Variants in TRAIP observed in about 807,000 individuals in gnomAD.
TRAIP encodes E3 ubiquitin-protein ligase TRAIP.
Under a neutral mutation model 65.0 loss-of-function variants are expected in TRAIP, and 37 were observed. That is an observed-to-expected ratio of 0.57 (90% CI 0.44 to 0.75). TRAIP has a LOEUF of 0.75. Among genes scored for constraint, TRAIP ranks in the 30% least tolerant of loss-of-function variants. TRAIP has a pLI of 0.00. For synonymous variants in TRAIP, 187 were observed against 219.1 expected, an observed-to-expected ratio of 0.85 and a Z score of 1.29; for missense variants, 481 against 579.4, an observed-to-expected ratio of 0.83 and a Z score of 1.74.
At chr3:49,847,789 T>C (rs892818576) in intron 2 of TRAIP, among the ~76,000 whole-genome samples, 181 bp from the exon 3 acceptor site, 2 of 152,148 alleles carry the variant, frequency 1.3e-5, no homozygotes, top group Non-Finnish European at 1.5e-5. Flanking sequence ...GTACCCCAAG[T>C]TGGGGCTGCT....
At chr3:49,836,267 G>T (rs952957228) in intron 10 of TRAIP, among the ~76,000 whole-genome samples, 11 of 152,132 alleles carry the variant, frequency 7.2e-5, no homozygotes, top group African/African-American at 2.7e-4. Flanking sequence ...GAGGTGGGAA[G>T]ATCACTTGAG....
At chr3:49,847,642 G>A in intron 2 of TRAIP, 34 bp from the exon 3 acceptor site, 2 of 1,506,610 alleles carry the variant, frequency 1.3e-6, no homozygotes, top group Non-Finnish European at 1.8e-6. Flanking sequence ...GTATGATTGT[G>A]TAGCTGGGTC....
intron 3 of TRAIP, among the ~76,000 whole-genome samples, chr3:49,846,436 GAA>G (rs1390005572): frequency 6.6e-6 from 1 of 152,108 alleles, no homozygotes; most frequent in Non-Finnish European, 1.5e-5. Context: ...CTGGGGAGTA[GAA>G]GAGTTTTCTA....
chr3:49,829,017 G>A lies in TRAIP; in HGVS notation c.*86C>T. 6.3e-7 allele frequency: 1 copy of A among 1,593,660 alleles called. No individual in the cohort carries two copies. Among genetic ancestry groups the A allele is most frequent in the Non-Finnish European group, 8.6e-7 (1 of 1,164,448 alleles). ...CACCTCAGGCTGGTCCCGAAAGTGG[G>A]GCTCTGTCCACAAAACCCCTGCCTG... On this transcript the variant is annotated 3_prime_UTR_variant, in exon 15 of 15. Transcript: ENST00000331456.
chr3:49,847,750 A>G, intron 2 of TRAIP, 142 bp from the exon 3 acceptor site: 2 of 638,280 alleles, frequency 3.1e-6, no homozygotes, highest in Non-Finnish European at 5.6e-6. Flanking sequence ...TACATCCTTT[A>G]GAGTCAAAAG....
In TRAIP at chr3:49,834,637, T is replaced by C. The variant is rs553932213; in HGVS notation, c.885-2569A>G. Among the ~76,000 whole-genome samples, 3 of 152,298 alleles carry C rather than the reference T, an allele frequency of 2.0e-5. No homozygotes were observed. In the South Asian group the frequency reaches 6.2e-4, roughly 32 times the overall value. ...AATGACCTAGGGCAGCCAATATTAT[T>C]GGACCCAACAGTAAAGCCTTCTGCA... is the stretch of plus-strand genomic sequence containing the variant. On this transcript the variant is annotated intron_variant, in intron 10 of 14. Transcript: ENST00000331456.
At chr3:49,846,880 A>AT (rs976207957) in intron 3 of TRAIP, among the ~76,000 whole-genome samples, 3 of 151,800 alleles carry the variant, frequency 2.0e-5, no homozygotes, top group East Asian at 1.9e-4. Context: ...CTCTATAAAA[A>AT]TTTTTTTTTA....
At position 49,843,800 on chromosome 3, in the gene TRAIP, C is replaced by T. The variant is rs1385679455; in HGVS notation, c.408+1G>A. The T allele has an allele frequency of 1.2e-6, 2 of 1,612,278 alleles. No individual in the cohort carries two copies. The highest frequency in any genetic ancestry group is 2.2e-5 in the East Asian group (1 of 44,830). On this transcript the variant is annotated splice_donor_variant, in intron 5 of 14. Transcript: ENST00000331456. LOFTEE classifies it high-confidence loss of function. ...TGTACCCATAAAACCTGAGGACCTA[C>T]TTTCAGTGTGGAGCACAGCATCTCG...
At chr3:49,836,552 A>G (rs2081789012) in intron 10 of TRAIP, among the ~76,000 whole-genome samples, 1 of 150,938 alleles carries the variant, frequency 6.6e-6, no homozygotes, top group African/African-American at 2.5e-5. Flanking sequence ...AGCAAAGCAA[A>G]GCAAAGCGGT....
chr3:49,830,200 A>G, intron 11 of TRAIP, 132 bp from the exon 12 acceptor site: 1 of 1,008,084 alleles, frequency 9.9e-7, no homozygotes, highest in Non-Finnish European at 1.5e-6. Context: ...TGGGCAAGGC[A>G]CCTCAGTGAT....
chr3:49,831,782 A>G (rs2081734931), intron 11 of TRAIP, 134 bp downstream of exon 11: 7 of 1,033,334 alleles, frequency 6.8e-6, no homozygotes, highest in Non-Finnish European at 9.2e-6. Flanking sequence ...AGGTAGCTGG[A>G]ACCAAAGCCA....
Position 49,840,410 on chromosome 3 carries a change from T to A in TRAIP, c.706-37A>T, listed in dbSNP as rs748363913. The A allele has an allele frequency of 3.2e-6, 5 of 1,579,110 alleles. No homozygotes were observed. In the African/African-American group the frequency reaches 5.4e-5, roughly 17 times the overall value. On this transcript the variant is annotated intron_variant, in intron 8 of 14. Coordinates refer to ENST00000331456, the MANE Select transcript of TRAIP (RefSeq NM_005879.3). ...TGTAGGGAATGAAAGACAAGCCAAG[T>A]GGTAGCCTTGTGCCCTGCCCCCTCC...
Position 49,843,906 on chromosome 3 carries a change from C to T in TRAIP, c.303G>A (p.Gln101=), listed in dbSNP as rs145932323. 6.8e-3 allele frequency: 10,952 copies of T among 1,610,712 alleles called. 60 individuals are homozygous for T. The highest frequency in any genetic ancestry group is 0.017 in the Middle Eastern group (100 of 6,052). The change falls in exon 5 of 15, where the codon CAG becomes CAA. Residue 101 remains glutamine (Q), a synonymous_variant. Transcript: ENST00000331456. ...SQKDKEKRDS[Q]VIIDTLRDTL... is the part of the protein sequence containing the mutation. ...TATCCCGCAGAGTGTCGATGATGAC[C>T]TGGCTGTCTCGTTTCTCCTTGTCTG...
At chr3:49,841,310 AAAGCCCCAGT>A (rs1264940308) in intron 7 of TRAIP, among the ~76,000 whole-genome samples, 1 of 152,202 alleles carries the variant, frequency 6.6e-6, no homozygotes, top group African/African-American at 2.4e-5. Context: ...GGGCATGCAG[AAAGCCCCAGT>A]CTCACTAGGG....
At chr3:49,834,384 GA>G (rs2081762808) in intron 10 of TRAIP, among the ~76,000 whole-genome samples, 2 of 152,172 alleles carry the variant, frequency 1.3e-5, no homozygotes, top group Non-Finnish European at 2.9e-5. Flanking sequence ...ATGGCCAGGG[GA>G]CAAGAGACTG....
chr3:49,829,062 G>T lies in TRAIP; in HGVS notation c.*41C>A. The stretch of plus-strand genomic sequence containing the variant: ...TGCCTGGACAGTCCTTGACCTACAA[G>T]TTGCAGGCATGTGTCTGGCCATTGG... On this transcript the variant is annotated 3_prime_UTR_variant, in exon 15 of 15. Transcript: ENST00000331456. The T allele has an allele frequency of 1.2e-6, 2 of 1,613,980 alleles. No individual in the cohort carries two copies. Among genetic ancestry groups the T allele is most frequent in the Non-Finnish European group, 1.7e-6 (2 of 1,179,878 alleles).
In TRAIP at chr3:49,848,161, G is replaced by A. The variant is rs1462307873; in HGVS notation, c.138C>T (p.Cys46=). The A allele has an allele frequency of 1.2e-6, 2 of 1,614,198 alleles. No homozygotes were observed. Among genetic ancestry groups the A allele is most frequent in the Admixed American group, 3.3e-5 (2 of 60,014 alleles). The change falls in exon 2 of 15, where the codon TGC becomes TGT. Residue 46 remains cysteine, a synonymous_variant. Coordinates refer to ENST00000331456, the MANE Select transcript of TRAIP (RefSeq NM_005879.3). The part of the protein sequence containing the change: ...QWFETAPSRT[C]PQCRIQVGKR... Reference sequence around the variant, plus strand: ...CTCTCACCTGGATTCGGCACTGTGGGCAGGTCCGACTTGGTGCTGTCTCAA... The same window carrying A: ...CTCTCACCTGGATTCGGCACTGTGGACAGGTCCGACTTGGTGCTGTCTCAA...
Position 49,829,481 on chromosome 3 carries a change from C to A in TRAIP, c.1264G>T (p.Gly422Cys). 6.2e-7 allele frequency: 1 copy of A among 1,614,154 alleles called. No individual in the cohort carries two copies. Among genetic ancestry groups the A allele is most frequent in the South Asian group, 1.1e-5 (1 of 91,076 alleles). Residue 422 changes from glycine (G) to cysteine (C), a missense_variant, in exon 14 of 15, where the codon GGC (glycine) becomes TGC (cysteine). Gly to Cys is a radical substitution (Grantham distance 159). Coordinates refer to ENST00000331456, the MANE Select transcript of TRAIP (RefSeq NM_005879.3). ...ACAGGCTGGATGAATTTTGTCCGGC[C>A]ACCGAGCCCATCGAAGCCTGTCCTT... ...VVRTGFDGLG[G>C]RTKFIQPTDT... is the part of the protein sequence containing the mutation.
At chr3:49,847,679 T>C in intron 2 of TRAIP, 71 bp from the exon 3 acceptor site, 1 of 1,028,596 alleles carries the variant, frequency 9.7e-7, no homozygotes, top group Admixed American at 2.3e-5. Flanking sequence ...GTGTTGTACA[T>C]GGGTCTGACT....
Sources: gnomAD v4.1 joint callset for allele counts (sites outside exome capture counted in the v4.1 genomes callset) on GRCh38, gnomAD v4.1.1 for gene constraint, MANE v1.5 for transcripts, NCBI Gene and HGNC (gene_info 2026-07-23, HGNC 2026-07-21) for gene names.